Variants in RFT1 observed in about 807,000 individuals in gnomAD.
RFT1 encodes man(5)GlcNAc(2)-PP-dolichol translocation protein RFT1.
A neutral mutation model predicts 62.2 loss-of-function variants in RFT1; 43 were observed. That is an observed-to-expected ratio of 0.69 (90% confidence interval 0.54 to 0.89). The LOEUF is 0.89. Among genes scored for constraint, RFT1 ranks in the 40% least tolerant of loss-of-function variants. The probability of loss-of-function intolerance (pLI) is 0.00; values close to 1 mark genes in which losing one functional copy is unlikely to be tolerated. For synonymous variants in RFT1, 262 were observed against 264.6 expected, an observed-to-expected ratio of 0.99 and a Z score of 0.10; for missense variants, 605 against 649.9, an observed-to-expected ratio of 0.93 and a Z score of 0.75.
At chr3:53,107,517 G>A (rs556152572) in intron 7 of RFT1, among the ~76,000 whole-genome samples, 1 of 151,986 alleles carries the variant, frequency 6.6e-6, no homozygotes, top group African/African-American at 2.4e-5. Context: ...CTTAAGGGGA[G>A]GTCAGATAAT....
At chr3:53,100,978 C>A (rs1265439260) in intron 10 of RFT1, among the ~76,000 whole-genome samples, 1 of 148,722 alleles carries the variant, frequency 6.7e-6, no homozygotes, top group African/African-American at 2.5e-5. Flanking sequence ...CCAAAAAAAA[C>A]ACATAACCAC....
At chr3:53,084,766 A>G (rs1262621526), downstream of RFT1, among the ~76,000 whole-genome samples, 1 of 152,232 alleles carries the variant, frequency 6.6e-6, no homozygotes, top group Non-Finnish European at 1.5e-5. Flanking sequence ...TTGTGACAGT[A>G]GAGTCAATAG....
At chr3:53,123,626 TG>T (rs1702028475) in intron 3 of RFT1, 97 bp downstream of exon 3, 2 of 935,472 alleles carry the variant, frequency 2.1e-6, no homozygotes, top group African/African-American at 1.6e-5. Context: ...AAACTGAATC[TG>T]GGGGCAATTC....
chr3:53,098,604 C>T (rs192775751), intron 11 of RFT1, among the ~76,000 whole-genome samples: 44 of 152,066 alleles, frequency 2.9e-4, no homozygotes, highest in East Asian at 3.9e-4. Context: ...AGATCGAGAC[C>T]AACCTGGCTG....
the RFT1 span, among the ~76,000 whole-genome samples, chr3:53,081,810 C>T: frequency 8.5e-5 from 13 of 152,166 alleles, no homozygotes; most frequent in African/African-American, 2.2e-4. Flanking sequence ...AATGTTTGTG[C>T]GAAACAATTA....
At chr3:53,128,799 C>T (rs537876989) in intron 1 of RFT1, among the ~76,000 whole-genome samples, 2 of 152,356 alleles carry the variant, frequency 1.3e-5, no homozygotes, top group East Asian at 1.9e-4. Context: ...GCATGAGCCA[C>T]CGCGTCCAGC....
chr3:53,110,821 T>C (rs933170859), intron 7 of RFT1, among the ~76,000 whole-genome samples: 2 of 152,198 alleles, frequency 1.3e-5, no homozygotes, highest in African/African-American at 4.8e-5. Flanking sequence ...ATGAAATATA[T>C]ATGAAGAGAG....
In RFT1 at chr3:53,089,561, A is replaced by G. The variant is rs1003735219; in HGVS notation, c.*2342T>C. 3.3e-5 allele frequency: 5 copies of G among 152,258 alleles called. No individual in the cohort carries two copies. The highest frequency in any genetic ancestry group is 1.2e-4 in the African/African-American group (5 of 41,440). 9.4% of individuals were successfully genotyped at this position (152,258 alleles called of 1,614,324 possible). A position where few individuals can be genotyped will look rare whatever the true frequency, so the allele number is the denominator to read the frequency against. The stretch of plus-strand genomic sequence containing the variant: ...CAGCTGTGGCTCTAGGGGGTCCAGC[A>G]GGGGAAATGCCAGAGGCCTGGTCAG... On this transcript the variant is annotated 3_prime_UTR_variant, in exon 13 of 13. Transcript: ENST00000296292.
At chr3:53,096,308 C>T (rs1481266898) in intron 11 of RFT1, among the ~76,000 whole-genome samples, 1 of 151,868 alleles carries the variant, frequency 6.6e-6, no homozygotes, top group Non-Finnish European at 1.5e-5. Flanking sequence ...ACAGCCTTAA[C>T]AAAACAACAA....
chr3:53,127,467 C>G (rs1053646267), intron 1 of RFT1, among the ~76,000 whole-genome samples: 1 of 151,984 alleles, frequency 6.6e-6, no homozygotes, highest in Non-Finnish European at 1.5e-5. Context: ...TTTGGAAGGC[C>G]GAGGCTGGCG....
At chr3:53,114,748 C>T (rs1184344885) in intron 6 of RFT1, among the ~76,000 whole-genome samples, 1 of 151,986 alleles carries the variant, frequency 6.6e-6, no homozygotes. Context: ...ACTGTACTAA[C>T]GGAGAAATGG....
At chr3:53,078,780 G>GC in the RFT1 span, among the ~76,000 whole-genome samples, 1 of 152,158 alleles carries the variant, frequency 6.6e-6, no homozygotes, top group African/African-American at 2.4e-5. Flanking sequence ...TGACCTCTGT[G>GC]CTGGACTAGC....
In RFT1 at chr3:53,103,980, C is replaced by T. The variant is rs201876415; in HGVS notation, c.1075G>A (p.Gly359Arg). The T allele has an allele frequency of 9.8e-5, 158 of 1,614,168 alleles. No homozygotes were observed. Among genetic ancestry groups the T allele is most frequent in the Non-Finnish European group, 1.3e-4 (154 of 1,180,034 alleles). ...GATCCTGAGCTAAGCATGGTCCCTC[C>T]GTAGATATCCAGAGCCAGCTGAGAA... ...AYSQLALDIY[G>R]GTMLSSGSGP... is the part of the protein sequence containing the mutation. The change falls in exon 10 of 13, where the codon GGA (glycine) becomes AGA (arginine). Residue 359 changes from glycine to arginine, a missense_variant. Transcript: ENST00000296292.
At chr3:53,125,425 G>C (rs1477558694) in intron 2 of RFT1, among the ~76,000 whole-genome samples, 1 of 152,158 alleles carries the variant, frequency 6.6e-6, no homozygotes, top group Non-Finnish European at 1.5e-5. Context: ...CCAAGAAACT[G>C]ATGACAAAGA....
At chr3:53,084,232 T>C (rs2107047826), downstream of RFT1, among the ~76,000 whole-genome samples, 1 of 152,358 alleles carries the variant, frequency 6.6e-6, no homozygotes, top group South Asian at 2.1e-4. Context: ...TTCAGAATTC[T>C]CCTGGGAACA....
chr3:53,128,800 C>T (rs866569936), intron 1 of RFT1, among the ~76,000 whole-genome samples: 3 of 152,204 alleles, frequency 2.0e-5, no homozygotes, highest in Non-Finnish European at 4.4e-5. Flanking sequence ...CATGAGCCAC[C>T]GCGTCCAGCC....
rs141904704 is a variant in RFT1 at position 53,095,695 on chromosome 3, G to A, written c.1209-3077C>T. Among the ~76,000 whole-genome samples, 1,921 of 149,124 alleles carry A rather than the reference G, an allele frequency of 0.013. 115 individuals carry two copies. The South Asian group carries it at 0.17, about 14-fold the overall frequency. On this transcript the variant is annotated intron_variant, in intron 11 of 12. Transcript: ENST00000296292. The stretch of plus-strand genomic sequence containing the variant: ...TGTACCACTGCACTTCAGCCTGGGC[G>A]ACAGAGTGAGACCCTGTCTCAAAAA...
intron 7 of RFT1, among the ~76,000 whole-genome samples, chr3:53,107,646 A>G (rs1474628639): frequency 6.6e-6 from 1 of 150,804 alleles, no homozygotes; most frequent in East Asian, 2.0e-4. Flanking sequence ...CTTAGATTTG[A>G]ATCATGAACT....
the RFT1 span, chr3:53,078,156 C>T: frequency 9.2e-5 from 14 of 152,242 alleles, no homozygotes; most frequent in African/African-American, 3.4e-4. Context: ...TCTTGGAGGA[C>T]TCTGTGTCAG....
Sources: gnomAD v4.1 joint callset for allele counts (sites outside exome capture counted in the v4.1 genomes callset) on GRCh38, gnomAD v4.1.1 for gene constraint, MANE v1.5 for transcripts, NCBI Gene and HGNC (gene_info 2026-07-23, HGNC 2026-07-21) for gene names.